The following CTNNA3 variants were observed in gnomAD, a reference collection of about 807,000 sequenced individuals.
CTNNA3 encodes catenin alpha 3, also known as catenin alpha-3.
A neutral mutation model predicts 95.7 loss-of-function variants in CTNNA3; 76 were observed. The observed-to-expected ratio is 0.79, with a 90% CI of 0.66 to 0.96. The LOEUF is 0.96. Ranked by LOEUF, CTNNA3 falls within the 40% of genes least tolerant of loss-of-function variation. The pLI is 0.00. For synonymous variants in CTNNA3, 431 were observed against 374.4 expected (o/e 1.15, Z -1.74); for missense variants, 1,191 against 1,089.8 (o/e 1.09, Z -1.31).
chr10:66,778,648 C>T (rs530370795), intron 7 of CTNNA3, among the ~76,000 whole-genome samples: 4 of 152,034 alleles, frequency 2.6e-5, no homozygotes, highest in Middle Eastern at 3.4e-3. Flanking sequence ...CATTCTTCAT[C>T]TGTAAACAAA....
rs2076981767 is a variant in CTNNA3 at position 65,914,343 on chromosome 10, G to C, written c.*5987C>G. 1 of 151,878 alleles carries C rather than the reference G, an allele frequency of 6.6e-6. No individual in the cohort carries two copies. Among genetic ancestry groups the C allele is most frequent in the Non-Finnish European group, 1.5e-5 (1 of 67,968 alleles). 9.4% of individuals were successfully genotyped at this position (151,878 alleles called of 1,614,324 possible). ...TAGGAATGTGTGTATTTCTTATGTG[G>C]CTCCACCGTAAGAAATATCAGAAAG... On this transcript the variant is annotated 3_prime_UTR_variant, in exon 18 of 18. Transcript: ENST00000433211.
intron 13 of CTNNA3, among the ~76,000 whole-genome samples, chr10:66,148,156 G>A (rs149962671): frequency 6.6e-6 from 1 of 151,720 alleles, no homozygotes; most frequent in East Asian, 1.9e-4. Flanking sequence ...GTATTTTCAG[G>A]AGCTTGTCAT....
intron 1 of CTNNA3, among the ~76,000 whole-genome samples, chr10:67,761,462 GC>G (rs1841461093): frequency 6.6e-6 from 1 of 152,138 alleles, no homozygotes; most frequent in South Asian, 2.1e-4. Flanking sequence ...CCAATCACAT[GC>G]CCTGTTCCTC....
At chr10:67,049,971 C>T (rs1006316799) in intron 7 of CTNNA3, among the ~76,000 whole-genome samples, 3 of 152,158 alleles carry the variant, frequency 2.0e-5, no homozygotes, top group African/African-American at 7.2e-5. Flanking sequence ...TTATTCATAA[C>T]TTATCTTTAA....
At chr10:66,720,810 G>A (rs1589167122) in intron 9 of CTNNA3, among the ~76,000 whole-genome samples, 1 of 152,092 alleles carries the variant, frequency 6.6e-6, no homozygotes, top group Non-Finnish European at 1.5e-5. Flanking sequence ...TCCAGCCTGG[G>A]TGACAGAGAG....
At chr10:67,204,127 A>G (rs1435975401) in intron 6 of CTNNA3, among the ~76,000 whole-genome samples, 1 of 150,858 alleles carries the variant, frequency 6.6e-6, no homozygotes, top group Admixed American at 6.6e-5. Flanking sequence ...TAGACCTAAA[A>G]GTATTTTTTT....
intron 5 of CTNNA3, among the ~76,000 whole-genome samples, chr10:67,413,041 C>A (rs749124120): frequency 4.5e-4 from 69 of 152,070 alleles, no homozygotes; most frequent in Non-Finnish European, 8.4e-4. Context: ...TCAAAAGACA[C>A]AGAGTGGCAG....
At chr10:67,146,834 T>C (rs767879646) in intron 7 of CTNNA3, among the ~76,000 whole-genome samples, 26 of 152,182 alleles carry the variant, frequency 1.7e-4, no homozygotes, top group Admixed American at 6.5e-4. Flanking sequence ...TCTGGTTCCA[T>C]AGATTATAAT....
chr10:67,614,615 T>C (rs925530675), intron 2 of CTNNA3, among the ~76,000 whole-genome samples: 1 of 151,972 alleles, frequency 6.6e-6, no homozygotes, highest in Admixed American at 6.6e-5. Context: ...GCGATGGGGG[T>C]TGGCTGTAAA....
chr10:67,362,158 CA>C (rs1435279560), intron 5 of CTNNA3, among the ~76,000 whole-genome samples: 1 of 151,972 alleles, frequency 6.6e-6, no homozygotes, highest in African/African-American at 2.4e-5. Context: ...AGCCCTGAAC[CA>C]GATGGATTTA....
In CTNNA3 at chr10:67,192,320, A is replaced by G. The variant is rs528121491; in HGVS notation, c.844-11800T>C. Among the ~76,000 whole-genome samples, 14 of 152,086 alleles carry G rather than the reference A, an allele frequency of 9.2e-5. No homozygotes were observed. The East Asian group carries it at 2.7e-3, about 29-fold the overall frequency. The stretch of plus-strand genomic sequence containing the variant: ...AAAAACATGAAAAGGCAACACACAG[A>G]AAGAATGGGAGAAAATATTTGTAGA... On this transcript the variant is annotated intron_variant, in intron 6 of 17. Coordinates refer to ENST00000433211, the MANE Select transcript of CTNNA3 (RefSeq NM_013266.4).
intron 5 of CTNNA3, among the ~76,000 whole-genome samples, chr10:67,267,899 T>G (rs1166209251): frequency 6.6e-6 from 1 of 152,176 alleles, no homozygotes; most frequent in African/African-American, 2.4e-5. Flanking sequence ...TCTTATCTTT[T>G]ACAAATACTG....
chr10:67,019,497 C>T (rs930651557), intron 7 of CTNNA3, among the ~76,000 whole-genome samples: 11 of 152,216 alleles, frequency 7.2e-5, no homozygotes, highest in Non-Finnish European at 1.3e-4. Context: ...GGATTACAGG[C>T]ATGAGCCACC....
intron 11 of CTNNA3, among the ~76,000 whole-genome samples, chr10:66,385,024 T>G (rs2092877539): frequency 2.0e-5 from 3 of 152,054 alleles, no homozygotes; most frequent in African/African-American, 4.8e-5. Flanking sequence ...ACATCACAAT[T>G]AAAAGAACTA....
chr10:66,460,506 A>G (rs908499239), intron 11 of CTNNA3, among the ~76,000 whole-genome samples: 4 of 152,134 alleles, frequency 2.6e-5, no homozygotes, highest in Non-Finnish European at 5.9e-5. Flanking sequence ...CCAGGGAACC[A>G]TGCTTGTTCT....
intron 2 of CTNNA3, among the ~76,000 whole-genome samples, chr10:67,641,340 T>G (rs1252076412): frequency 6.6e-6 from 1 of 152,026 alleles, no homozygotes; most frequent in Non-Finnish European, 1.5e-5. Flanking sequence ...TGGCAATCAT[T>G]AAAAAGTCAG....
chr10:66,950,754 T>C (rs12246143), intron 7 of CTNNA3, among the ~76,000 whole-genome samples: 2,833 of 152,274 alleles, frequency 0.019, 79 homozygotes, highest in African/African-American at 0.065. Flanking sequence ...GCTGCAACTA[T>C]TTAATCCTTA....
chr10:66,098,495 T>C (rs2081489816), intron 14 of CTNNA3, among the ~76,000 whole-genome samples: 1 of 152,232 alleles, frequency 6.6e-6, no homozygotes, highest in Non-Finnish European at 1.5e-5. Context: ...AACTATGATG[T>C]GTTAAACAGT....
intron 9 of CTNNA3, among the ~76,000 whole-genome samples, chr10:66,685,220 T>C (rs1227919121): frequency 1.5e-4 from 21 of 142,692 alleles, no homozygotes; most frequent in Non-Finnish European, 3.2e-4. Context: ...TATATATGTG[T>C]ATATATATAC....
Sources: gnomAD v4.1 joint callset for allele counts (sites outside exome capture counted in the v4.1 genomes callset) on GRCh38, gnomAD v4.1.1 for gene constraint, MANE v1.5 for transcripts, NCBI Gene and HGNC (gene_info 2026-07-23, HGNC 2026-07-21) for gene names.